TBCCD1: variants seen among roughly 807,000 people sequenced by gnomAD.
TBCCD1 encodes the protein TBCC domain-containing protein 1.
In TBCCD1, 26 loss-of-function variants were observed where a neutral mutation model predicts 53.4. The ratio of observed to expected loss-of-function variants is 0.49; its 90% confidence interval spans 0.36 to 0.68. The LOEUF is 0.68. Ranked by LOEUF, TBCCD1 falls within the 30% of genes least tolerant of loss-of-function variation. The probability of loss-of-function intolerance (pLI) is 0.00; values close to 1 mark genes in which losing one functional copy is unlikely to be tolerated. For synonymous variants in TBCCD1, 245 were observed against 241.7 expected, an observed-to-expected ratio of 1.01 and a Z score of -0.13; for missense variants, 558 against 669.5, an observed-to-expected ratio of 0.83 and a Z score of 1.84.
At chr3:186,567,864 C>T (rs1714884522), upstream of TBCCD1, among the ~76,000 whole-genome samples, 1 of 152,214 alleles carries the variant, frequency 6.6e-6, no homozygotes, top group Non-Finnish European at 1.5e-5. Flanking sequence ...TCCCTGCCGC[C>T]CCTCGGTGTC....
intron 7 of TBCCD1, 103 bp downstream of exon 7, chr3:186,551,026 T>G (rs1279610922): frequency 4.1e-6 from 5 of 1,234,256 alleles, no homozygotes; most frequent in Non-Finnish European, 5.5e-6. Flanking sequence ...GTAGGAGCGG[T>G]AGAAAAAATT....
intron 2 of TBCCD1, among the ~76,000 whole-genome samples, chr3:186,563,087 GCTGA>G (rs1170296473): frequency 1.1e-4 from 16 of 152,236 alleles, no homozygotes; most frequent in Non-Finnish European, 5.9e-5. Flanking sequence ...TTTTAACAAA[GCTGA>G]TTAACAGTGA....
chr3:186,558,267 G>T, intron 3 of TBCCD1, 150 bp downstream of exon 3: 1 of 1,001,026 alleles, frequency 1.0e-6, no homozygotes, highest in Non-Finnish European at 1.5e-6. Context: ...CACTGATTTT[G>T]TTTTATAATT....
intron 2 of TBCCD1, among the ~76,000 whole-genome samples, chr3:186,561,088 AGCACAG>A (rs1400225297): frequency 1.3e-5 from 2 of 152,258 alleles, no homozygotes; most frequent in African/African-American, 4.8e-5. Flanking sequence ...TGACACCAAA[AGCACAG>A]GCAACCAATG....
upstream of TBCCD1, among the ~76,000 whole-genome samples, chr3:186,568,310 T>C (rs1484981700): frequency 6.6e-6 from 1 of 151,336 alleles, no homozygotes; most frequent in African/African-American, 2.4e-5. Flanking sequence ...GAATAGACAA[T>C]ACATATTAAG....
rs1026072624 is a variant in TBCCD1, at chr3:186,555,879, A to G, written c.859+530T>C. Among the ~76,000 whole-genome samples the G allele has an allele frequency of 3.9e-5, 6 of 152,054 alleles. No homozygotes were observed. In the East Asian group the frequency reaches 1.2e-3, roughly 29 times the overall value. ...AGTTCATGTCTTTACTCCTAAGATC[A>G]TTACTACCTGAGAGCACATCTTCCT... On this transcript the variant is annotated intron_variant, in intron 4 of 7. Coordinates refer to ENST00000338733, the MANE Select transcript of TBCCD1 (RefSeq NM_018138.5).
Position 186,556,434 on chromosome 3 carries a change from T to C in TBCCD1, c.834A>G (p.Gly278=), listed in dbSNP as rs1714541225. 3 of 1,597,310 alleles carry C rather than the reference T, an allele frequency of 1.9e-6. No individual in the cohort carries two copies. Among genetic ancestry groups the C allele is most frequent in the Non-Finnish European group, 2.6e-6 (3 of 1,176,466 alleles). The change falls in exon 4 of 8, where the codon GGA becomes GGG. Residue 278 remains glycine, a synonymous_variant. Transcript: ENST00000338733. ...PFGTSACLKS[G]KKLAWAHQVE... is the part of the protein sequence containing the mutation. ...CTTGATGAGCCCAAGCCAATTTCTTTCCAGACTTGAGGCAAGCTGATGTAC... is the reference window on the plus strand; with the variant it reads ...CTTGATGAGCCCAAGCCAATTTCTTCCCAGACTTGAGGCAAGCTGATGTAC...
chr3:186,563,983 T>C lies in TBCCD1; in HGVS notation c.336+11A>G. The stretch of plus-strand genomic sequence containing the variant: ...AAAAGTAATTAAGTATACACACATA[T>C]CAATCCGTACCTGATTTCTCTGCTT... On this transcript the variant is annotated intron_variant, in intron 2 of 7. Transcript: ENST00000338733. 3.1e-6 allele frequency: 5 copies of C among 1,590,758 alleles called. No individual in the cohort carries two copies. Among genetic ancestry groups the C allele is most frequent in the Non-Finnish European group, 2.6e-6 (3 of 1,169,190 alleles).
chr3:186,554,601 A>G lies in TBCCD1; in HGVS notation c.1197T>C (p.Val399=), dbSNP rs748195205. 6.2e-6 allele frequency: 10 copies of G among 1,614,058 alleles called. No individual in the cohort carries two copies. The highest frequency in any genetic ancestry group is 7.6e-6 in the Non-Finnish European group (9 of 1,179,998). The change falls in exon 6 of 8, where the codon GTT becomes GTC. Residue 399 remains valine (V), a synonymous_variant. Coordinates refer to ENST00000338733, the MANE Select transcript of TBCCD1 (RefSeq NM_018138.5). ...GAATAAGTGGGCGTGTAGGCGTAAGAACGTGAAAGATGCAACCTGTTGTAG... is the reference window on the plus strand; with the variant it reads ...GAATAAGTGGGCGTGTAGGCGTAAGGACGTGAAAGATGCAACCTGTTGTAG... ...ISSTTGCIFH[V]LTPTRPLILS... is the part of the protein sequence containing the mutation.
chr3:186,554,902 A>G lies in TBCCD1; in HGVS notation c.1042T>C (p.Leu348=), dbSNP rs1423056557. 2 of 1,613,578 alleles carry G rather than the reference A, an allele frequency of 1.2e-6. No individual in the cohort carries two copies. Among genetic ancestry groups the G allele is most frequent in the Non-Finnish European group, 1.7e-6 (2 of 1,179,914 alleles). ...NESFIYLLSP[L]RSVTIEKCRN... is the part of the protein sequence containing the mutation. Reference sequence around the variant, plus strand: ...CACCATGAAAACTGTGCTTACCGTAAGGGAGAGAGCAGATATATAAAAGAT... The same window carrying G: ...CACCATGAAAACTGTGCTTACCGTAGGGGAGAGAGCAGATATATAAAAGAT... The change falls in exon 5 of 8, where the codon TTA becomes CTA. Residue 348 remains leucine, a synonymous_variant. Transcript: ENST00000338733.
At position 186,555,039 on chromosome 3, in the gene TBCCD1, A is replaced by C; in HGVS notation, c.905T>G (p.Val302Gly). The change falls in exon 5 of 8, where the codon GTG becomes GGG. Residue 302 changes from valine to glycine, a missense_variant. Physicochemically the swap from Val to Gly is moderately radical, Grantham distance 109 (BLOSUM62 -3). Coordinates refer to ENST00000338733, the MANE Select transcript of TBCCD1 (RefSeq NM_018138.5). ...TACCAGTCGGTGCATCCTAGGGGCC[A>C]CATGAGTATTACAAGCAATCTTAGC... ...KRAKIACNTH[V>G]APRMHRLVVM... 6.2e-7 allele frequency: 1 copy of C among 1,612,780 alleles called. No homozygotes were observed. Among genetic ancestry groups the C allele is most frequent in the South Asian group, 1.1e-5 (1 of 90,812 alleles).
Position 186,546,426 on chromosome 3 carries a change from C to T in TBCCD1, c.*551G>A, listed in dbSNP as rs4686787. 149,877 of 152,356 alleles carry T rather than the reference C, an allele frequency of 0.98. 73,732 individuals are homozygous for T. The highest frequency in any genetic ancestry group is 1 in the East Asian group (5,188 of 5,190). The allele number at this position is 152,356 out of a possible 1,614,324, so 9.4% of individuals were successfully genotyped here. On this transcript the variant is annotated 3_prime_UTR_variant, in exon 8 of 8. Coordinates refer to ENST00000338733, the MANE Select transcript of TBCCD1 (RefSeq NM_018138.5). ...CTTTTTCATTTGGGCATCACAAAGA[C>T]GAGTCTTCTGATGTTCTATAAGCAA...
intron 3 of TBCCD1, 128 bp from the exon 4 acceptor site, chr3:186,556,903 C>T: frequency 8.2e-7 from 1 of 1,219,500 alleles, no homozygotes; most frequent in South Asian, 1.6e-5. Context: ...GTTATATAAA[C>T]CTTATAAAGG....
At chr3:186,552,897 T>C (rs141326358) in intron 6 of TBCCD1, among the ~76,000 whole-genome samples, 91 of 152,246 alleles carry the variant, frequency 6.0e-4, no homozygotes, top group African/African-American at 2.1e-3. Flanking sequence ...ATGACTGCTG[T>C]ATGCCGGGAA....
chr3:186,570,439 C>T (rs1714986230), upstream of TBCCD1: 2 of 482,744 alleles, frequency 4.1e-6, no homozygotes, highest in Admixed American at 4.0e-5. Context: ...TTTCGTGTAC[C>T]TCAGGTGCCC....
In TBCCD1 at chr3:186,564,107, A is replaced by G. The variant is rs758019737; in HGVS notation, c.223T>C (p.Tyr75His). The change falls in exon 2 of 8, where the codon TAC becomes CAC. Residue 75 changes from tyrosine to histidine, a missense_variant. Physicochemically the swap from Tyr to His is moderately conservative, Grantham distance 83. Transcript: ENST00000338733. ...LQLAKDLAWL[Y>H]FEIFDSLSMK... Reference sequence around the variant, plus strand: ...GAAAGACTATCAAATATTTCGAAGTAAAGCCACGCCAGGTCCTTGGCCAAC... The same window carrying G: ...GAAAGACTATCAAATATTTCGAAGTGAAGCCACGCCAGGTCCTTGGCCAAC... 14 of 1,614,230 alleles carry G rather than the reference A, an allele frequency of 8.7e-6. No homozygotes were observed. The highest frequency in any genetic ancestry group is 1.2e-5 in the Non-Finnish European group (14 of 1,180,042).
upstream of TBCCD1, among the ~76,000 whole-genome samples, chr3:186,568,711 G>C (rs922731637): frequency 6.6e-6 from 1 of 151,978 alleles, no homozygotes; most frequent in East Asian, 1.9e-4. Context: ...GACCAGCCTG[G>C]CCAACATGGT....
At chr3:186,565,743 T>A (rs1330437613) in intron 1 of TBCCD1, among the ~76,000 whole-genome samples, 1 of 152,228 alleles carries the variant, frequency 6.6e-6, no homozygotes, top group Non-Finnish European at 1.5e-5. Context: ...CCATCTTTCT[T>A]CATATTTTCT....
chr3:186,554,014 A>G (rs1298862617), intron 6 of TBCCD1, among the ~76,000 whole-genome samples: 1 of 152,128 alleles, frequency 6.6e-6, no homozygotes, highest in Non-Finnish European at 1.5e-5. Context: ...CACCCAGCTA[A>G]TTTTTGTATT....
Sources: gnomAD v4.1 joint callset for allele counts (sites outside exome capture counted in the v4.1 genomes callset) on GRCh38, gnomAD v4.1.1 for gene constraint, MANE v1.5 for transcripts, NCBI Gene and HGNC (gene_info 2026-07-23, HGNC 2026-07-21) for gene names.